Variants in EPHA5 observed in about 807,000 individuals in gnomAD.
EPHA5 encodes ephrin type-A receptor 5.
A neutral mutation model predicts 105.0 loss-of-function variants in EPHA5; 60 were observed. The ratio of observed to expected loss-of-function variants is 0.57; its 90% CI spans 0.46 to 0.71. The LOEUF (loss-of-function observed/expected upper bound fraction) is 0.71, where lower values mean the gene tolerates loss of function less well. Ranked by LOEUF, EPHA5 falls within the 30% of genes least tolerant of loss-of-function variation. EPHA5 has a pLI of 0.00. For synonymous variants in EPHA5, 513 were observed against 449.1 expected (o/e 1.14, Z -1.80); for missense variants, 1,218 against 1,274.7 (o/e 0.96, Z 0.68).
chr4:65,346,831 G>A (rs971595544), intron 14 of EPHA5, among the ~76,000 whole-genome samples: 1 of 152,114 alleles, frequency 6.6e-6, no homozygotes, highest in African/African-American at 2.4e-5. Context: ...GATATGAACA[G>A]ACACTTCTCA....
intron 8 of EPHA5, among the ~76,000 whole-genome samples, chr4:65,379,439 ATTTG>A (rs1482690655): frequency 6.6e-6 from 1 of 151,868 alleles, no homozygotes; most frequent in South Asian, 2.1e-4. Context: ...ATTTTATTGT[ATTTG>A]TTTTAAGATG....
chr4:65,331,242 T>C (rs1720585710), intron 16 of EPHA5: 1 of 1,029,910 alleles, frequency 9.7e-7, no homozygotes, highest in African/African-American at 1.7e-5. Context: ...CAGTTAATTT[T>C]CACAAATAAC....
chr4:65,493,059 G>C (rs1421977695), intron 4 of EPHA5, among the ~76,000 whole-genome samples: 1 of 150,790 alleles, frequency 6.6e-6, no homozygotes, highest in Non-Finnish European at 1.5e-5. Context: ...CTATAAGAAT[G>C]CATCAGCAGC....
At chr4:65,394,371 C>A (rs961683452) in intron 8 of EPHA5, among the ~76,000 whole-genome samples, 2 of 152,168 alleles carry the variant, frequency 1.3e-5, no homozygotes, top group African/African-American at 4.8e-5. Context: ...AAGGCCCTGA[C>A]GTCAGAGCTG....
intron 3 of EPHA5, among the ~76,000 whole-genome samples, chr4:65,597,600 C>T (rs1397027568): frequency 6.6e-6 from 1 of 151,914 alleles, no homozygotes; most frequent in Non-Finnish European, 1.5e-5. Flanking sequence ...AAAAAGACTT[C>T]CAAGAAAGAA....
chr4:65,536,422 G>A (rs963108799), intron 3 of EPHA5, among the ~76,000 whole-genome samples: 12 of 151,914 alleles, frequency 7.9e-5, no homozygotes, highest in South Asian at 2.1e-4. Flanking sequence ...AGATTCTGCC[G>A]TTTCTGGTCT....
intron 8 of EPHA5, among the ~76,000 whole-genome samples, chr4:65,402,583 T>C (rs1042841555): frequency 6.6e-6 from 1 of 152,030 alleles, no homozygotes; most frequent in African/African-American, 2.4e-5. Flanking sequence ...ACCTTGGTTC[T>C]TTTTTTTCCA....
chr4:65,493,961 C>T (rs1731675549), intron 4 of EPHA5, among the ~76,000 whole-genome samples: 1 of 151,958 alleles, frequency 6.6e-6, no homozygotes, highest in African/African-American at 2.4e-5. Flanking sequence ...CAACATTTTC[C>T]CTATTTGGGC....
chr4:65,526,047 C>A (rs1212535367), intron 3 of EPHA5, among the ~76,000 whole-genome samples: 5 of 151,774 alleles, frequency 3.3e-5, no homozygotes, highest in Non-Finnish European at 1.5e-5. Flanking sequence ...CAGTATTTAG[C>A]CCAATACCGG....
chr4:65,341,152 C>T (rs949677529), intron 14 of EPHA5, among the ~76,000 whole-genome samples: 1 of 152,010 alleles, frequency 6.6e-6, no homozygotes, highest in Non-Finnish European at 1.5e-5. Flanking sequence ...CCTAGATTAG[C>T]CTATGGATTA....
chr4:65,460,419 GA>G (rs1280307777), intron 5 of EPHA5, among the ~76,000 whole-genome samples: 7 of 150,336 alleles, frequency 4.7e-5, no homozygotes, highest in Non-Finnish European at 1.0e-4. Context: ...TTTTAGCTTT[GA>G]ATGAAGACTC....
intron 3 of EPHA5, among the ~76,000 whole-genome samples, chr4:65,522,316 G>GTGTGTATATATATA (rs777066757): frequency 2.8e-5 from 4 of 142,860 alleles, no homozygotes; most frequent in African/African-American, 1.1e-4. Flanking sequence ...ATATATATAT[G>GTGTGTATATATATA]TATATATATA....
chr4:65,581,086 A>G (rs1420035881), intron 3 of EPHA5, among the ~76,000 whole-genome samples: 1 of 151,936 alleles, frequency 6.6e-6, no homozygotes, highest in East Asian at 1.9e-4. Context: ...AAGGTAAACC[A>G]ACCAATTAGC....
At chr4:65,374,414 A>G (rs1718785933) in intron 8 of EPHA5, among the ~76,000 whole-genome samples, 1 of 151,978 alleles carries the variant, frequency 6.6e-6, no homozygotes, top group African/African-American at 2.4e-5. Context: ...GGCAACATGT[A>G]ATTACAAATA....
intron 3 of EPHA5, among the ~76,000 whole-genome samples, chr4:65,509,273 G>A (rs958093944): frequency 1.3e-5 from 2 of 151,978 alleles, no homozygotes; most frequent in Non-Finnish European, 2.9e-5. Flanking sequence ...TTTCAACCAG[G>A]TAAACTCTCA....
chr4:65,441,519 A>T (rs1347997041), intron 5 of EPHA5, among the ~76,000 whole-genome samples: 1 of 152,054 alleles, frequency 6.6e-6, no homozygotes, highest in Non-Finnish European at 1.5e-5. Flanking sequence ...TGATAGGAAA[A>T]TTTTTAAAAA....
intron 1 of EPHA5, among the ~76,000 whole-genome samples, chr4:65,653,937 A>G (rs906293974): frequency 3.3e-5 from 5 of 151,960 alleles, no homozygotes; most frequent in Non-Finnish European, 7.4e-5. Flanking sequence ...TGCTGCTGTT[A>G]TCTTAGGCTC....
chr4:65,543,405 C>A (rs2149325743), intron 3 of EPHA5, among the ~76,000 whole-genome samples: 1 of 152,154 alleles, frequency 6.6e-6, no homozygotes, highest in South Asian at 2.1e-4. Context: ...ATGCAAAAAT[C>A]ACAAGCATTC....
intron 4 of EPHA5, among the ~76,000 whole-genome samples, chr4:65,493,710 G>C (rs1731645483): frequency 1.3e-5 from 2 of 151,850 alleles, no homozygotes; most frequent in African/African-American, 4.8e-5. Flanking sequence ...CTGACTGTGG[G>C]CTTTGGTCCT....
Sources: gnomAD v4.1 joint callset for allele counts (sites outside exome capture counted in the v4.1 genomes callset) on GRCh38, gnomAD v4.1.1 for gene constraint, MANE v1.5 for transcripts, NCBI Gene and HGNC (gene_info 2026-07-23, HGNC 2026-07-21) for gene names.